Variants in ASS1 observed in about 807,000 individuals in gnomAD.
The protein encoded by ASS1 is argininosuccinate synthase.
In ASS1, 58 loss-of-function variants were observed where a neutral mutation model predicts 60.5. That is an observed-to-expected ratio of 0.96 (90% CI 0.78 to 1.19). The LOEUF (loss-of-function observed/expected upper bound fraction) is 1.19, where lower values mean the gene tolerates loss of function less well. ASS1 is among the 50% of genes most tolerant of loss of function. ASS1 has a pLI of 0.00. For missense variants in ASS1, 454 were observed against 547.3 expected (o/e 0.83, Z 1.70); for synonymous variants, 200 against 206.9 (o/e 0.97, Z 0.29).
At chr9:130,498,230 G>A (rs1846651884) in intron 13 of ASS1, among the ~76,000 whole-genome samples, 1 of 152,186 alleles carries the variant, frequency 6.6e-6, no homozygotes, top group South Asian at 2.1e-4. Flanking sequence ...CAAAGCAGCA[G>A]ATCCTCCTGC....
chr9:130,488,888 T>G lies in ASS1; in HGVS notation c.839-445T>G, dbSNP rs1414717407. 6.6e-6 allele frequency among the ~76,000 whole-genome samples: 1 copy of G among 152,206 alleles called. No homozygotes were observed. The highest frequency in any genetic ancestry group is 1.5e-5 in the Non-Finnish European group (1 of 68,036). ...GGGGCCCCATGGGCTGAAGGTGGCA[T>G]GTGTGTACACATGTGTACATGTATG... is the stretch of plus-strand genomic sequence containing the variant. On this transcript the variant is annotated intron_variant, in intron 11 of 14. Coordinates refer to ENST00000352480, the MANE Select transcript of ASS1 (RefSeq NM_054012.4). The surrounding 1 kb of genome is among the most constrained non-coding windows in gnomAD (Gnocchi z 5.2).
At chr9:130,495,097 C>T in intron 13 of ASS1, 74 bp downstream of exon 13, 3 of 1,521,394 alleles carry the variant, frequency 2.0e-6, no homozygotes, top group African/African-American at 2.7e-5. Flanking sequence ...CTCAAGACAT[C>T]TGTGCCTGAG....
chr9:130,466,948 A>C, intron 6 of ASS1, 149 bp downstream of exon 6: 4 of 934,518 alleles, frequency 4.3e-6, no homozygotes, highest in Non-Finnish European at 3.4e-6. Flanking sequence ...CTGCCTACAC[A>C]CGTGGCCTCT....
At chr9:130,490,303 TTTTATTTATTTA>T (rs1039187131) in intron 12 of ASS1, among the ~76,000 whole-genome samples, 2 of 152,210 alleles carry the variant, frequency 1.3e-5, no homozygotes, top group East Asian at 1.9e-4. Context: ...TACATTTTTA[TTTTATTTATTTA>T]TTTATTTATT....
intron 10 of ASS1, among the ~76,000 whole-genome samples, chr9:130,480,143 C>T (rs563717352): frequency 9.2e-5 from 14 of 152,342 alleles, no homozygotes; most frequent in South Asian, 2.1e-4. Flanking sequence ...ACACAGGGAA[C>T]GGAAGGAACA....
intron 1 of ASS1, among the ~76,000 whole-genome samples, chr9:130,449,363 AG>A (rs1330361556): frequency 7.1e-6 from 1 of 140,426 alleles, no homozygotes; most frequent in Non-Finnish European, 1.5e-5. Flanking sequence ...AAAAAAAAAA[AG>A]GATACAGCTC....
chr9:130,446,831 G>A (rs1184016300), intron 1 of ASS1, among the ~76,000 whole-genome samples: 1 of 152,210 alleles, frequency 6.6e-6, no homozygotes, highest in Non-Finnish European at 1.5e-5. Context: ...TGGGCACCAG[G>A]CACCCATGTG....
intron 8 of ASS1, among the ~76,000 whole-genome samples, chr9:130,473,586 G>A (rs1845927172): frequency 6.6e-6 from 1 of 152,164 alleles, no homozygotes; most frequent in African/African-American, 2.4e-5. Context: ...GCTGAGGGTG[G>A]GGCTCAACGT....
In ASS1 at chr9:130,477,054, C is replaced by G; in HGVS notation, c.688+93C>G. The stretch of plus-strand genomic sequence containing the variant: ...GCCTGGGAACCTAGGCCCTCTTTAC[C>G]CCCGCCCTGCATTCCTGGAAGCTAG... On this transcript the variant is annotated intron_variant, in intron 9 of 14. Transcript: ENST00000352480. This position sits in a 1 kb window ranked among gnomAD's most constrained non-coding sequence, Gnocchi z 4.2. 1 of 1,311,866 alleles carries G rather than the reference C, an allele frequency of 7.6e-7. No homozygotes were observed. The highest frequency in any genetic ancestry group is 1.1e-6 in the Non-Finnish European group (1 of 915,358). 81.3% of individuals were successfully genotyped at this position (1,311,866 alleles called of 1,614,324 possible).
Position 130,476,831 on chromosome 9 carries a change from C to A in ASS1, c.598-40C>A, listed in dbSNP as rs1405335984. On this transcript the variant is annotated intron_variant, in intron 8 of 14. Coordinates refer to ENST00000352480, the MANE Select transcript of ASS1 (RefSeq NM_054012.4). The surrounding 1 kb of genome is among the most constrained non-coding windows in gnomAD (Gnocchi z 4.9). ...AGGTGGGCTGTAGGGTGTCCAGGGA[C>A]TGGTATGTCATCTGCCCACCACTTT... is the stretch of plus-strand genomic sequence containing the variant. The A allele has an allele frequency of 1.3e-5, 20 of 1,560,924 alleles. No homozygotes were observed. The highest frequency in any genetic ancestry group is 4.5e-5 in the East Asian group (2 of 44,586).
intron 12 of ASS1, among the ~76,000 whole-genome samples, chr9:130,490,336 G>A (rs930407845): frequency 3.3e-5 from 5 of 151,108 alleles, no homozygotes; most frequent in Admixed American, 2.0e-4. Context: ...TATTTGGGAC[G>A]GACTTTCGCT....
chr9:130,463,980 C>A, intron 4 of ASS1, 131 bp from the exon 5 acceptor site: 1 of 922,330 alleles, frequency 1.1e-6, no homozygotes, highest in Non-Finnish European at 1.8e-6. Flanking sequence ...ACCTACACTG[C>A]ATGACCTCAC....
chr9:130,463,531 C>T (rs559292849), intron 4 of ASS1, among the ~76,000 whole-genome samples: 1 of 152,196 alleles, frequency 6.6e-6, no homozygotes, highest in East Asian at 1.9e-4. Flanking sequence ...GTTCCTTTCC[C>T]TTCCTGGGCC....
rs1248711184 is a variant in ASS1, at chr9:130,452,477, G to A, written c.105+144G>A. ...GGCCTCTTCTCTCGAAGCCTGTCTTGAACTGGAACTAGGAAAATAGCTTCT... is the reference window on the plus strand; with the variant it reads ...GGCCTCTTCTCTCGAAGCCTGTCTTAAACTGGAACTAGGAAAATAGCTTCT... On this transcript the variant is annotated intron_variant, in intron 2 of 14. Transcript: ENST00000352480. 4 of 759,486 alleles carry A rather than the reference G, an allele frequency of 5.3e-6. No individual in the cohort carries two copies. In the East Asian group the frequency reaches 1.1e-4, roughly 20 times the overall value. The allele number at this position is 759,486 out of a possible 1,614,324, so 47.0% of individuals were successfully genotyped here.
At chr9:130,449,104 G>A (rs1375246346) in intron 1 of ASS1, among the ~76,000 whole-genome samples, 1 of 152,184 alleles carries the variant, frequency 6.6e-6, no homozygotes, top group African/African-American at 2.4e-5. Context: ...GCTGAGGCAG[G>A]CAGATCGCTT....
intron 5 of ASS1, among the ~76,000 whole-genome samples, chr9:130,465,515 C>T (rs1489860994): frequency 2.6e-5 from 4 of 152,216 alleles, no homozygotes; most frequent in Admixed American, 6.5e-5. Flanking sequence ...AGGCATGTCT[C>T]GCTAGCTGGC....
At chr9:130,451,617 G>A (rs145092394) in intron 1 of ASS1, 1 of 352,534 alleles carries the variant, frequency 2.8e-6, no homozygotes, top group Non-Finnish European at 5.6e-6. Context: ...CGGCGGCACT[G>A]CGTGCTGGGG....
Position 130,476,823 on chromosome 9 carries a change from T to A in ASS1, c.598-48T>A. Reference sequence around the variant, plus strand: ...CCCGCGGGAGGTGGGCTGTAGGGTGTCCAGGGACTGGTATGTCATCTGCCC... The same window carrying A: ...CCCGCGGGAGGTGGGCTGTAGGGTGACCAGGGACTGGTATGTCATCTGCCC... On this transcript the variant is annotated intron_variant, in intron 8 of 14. Coordinates refer to ENST00000352480, the MANE Select transcript of ASS1 (RefSeq NM_054012.4). This position sits in a 1 kb window ranked among gnomAD's most constrained non-coding sequence, Gnocchi z 4.9. 1 of 1,540,480 alleles carries A rather than the reference T, an allele frequency of 6.5e-7. No individual in the cohort carries two copies. Among genetic ancestry groups the A allele is most frequent in the Non-Finnish European group, 9.0e-7 (1 of 1,114,186 alleles).
In ASS1 at chr9:130,495,026, A is replaced by G. The variant is rs760795909; in HGVS notation, c.1127+3A>G. The G allele has an allele frequency of 6.2e-7, 1 of 1,609,202 alleles. No individual in the cohort carries two copies. Among genetic ancestry groups the G allele is most frequent in the South Asian group, 1.1e-5 (1 of 90,452 alleles). ...CTCTACAATGAGGAGCTGGTGAGGTAGGTGCCCCACACCTCATTCTGACCC... is the reference window on the plus strand; with the variant it reads ...CTCTACAATGAGGAGCTGGTGAGGTGGGTGCCCCACACCTCATTCTGACCC... On this transcript the variant is annotated splice_donor_region_variant and intron_variant, in intron 13 of 14. Transcript: ENST00000352480.
Sources: allele counts gnomAD v4.1 joint callset (sites outside exome capture counted in the v4.1 genomes callset), GRCh38; gene constraint gnomAD v4.1.1; non-coding constraint Gnocchi (gnomAD v3.1); transcripts MANE v1.5; gene names NCBI Gene and HGNC (gene_info 2026-07-23, HGNC 2026-07-21).